PPP4R3B: variants seen among roughly 807,000 people sequenced by gnomAD.
PPP4R3B encodes serine/threonine-protein phosphatase 4 regulatory subunit 3B.
Under a neutral mutation model 95.4 loss-of-function variants are expected in PPP4R3B, and 52 were observed. The observed-to-expected ratio is 0.54, with a 90% confidence interval of 0.44 to 0.69. The LOEUF is 0.69. PPP4R3B is among the 30% of genes least tolerant of loss of function. The pLI, the probability that PPP4R3B is intolerant of heterozygous loss-of-function variation, is 0.00. For missense variants in PPP4R3B, 1,003 were observed against 1,005.9 expected, an observed-to-expected ratio of 1.00 and a Z score of 0.04; for synonymous variants, 407 against 343.9, an observed-to-expected ratio of 1.18 and a Z score of -2.03.
chr2:55,578,418 T>C (rs1688986986), intron 9 of PPP4R3B, 76 bp from the exon 10 acceptor site: 22 of 1,174,992 alleles, frequency 1.9e-5, no homozygotes, highest in East Asian at 3.2e-5. Context: ...TTATTATCTA[T>C]ATATTTCTGT....
Position 55,573,611 on chromosome 2 carries a change from A to G in PPP4R3B, c.1765+8T>C. On this transcript the variant is annotated splice_region_variant and intron_variant, in intron 12 of 16. Coordinates refer to ENST00000616407, the MANE Select transcript of PPP4R3B (RefSeq NM_001122964.3). ...AAAATGTTGCTCCTTAAAACATTTT[A>G]TACTTACACAAGGCCAGAAAAGTGT... 3 of 1,526,964 alleles carry G rather than the reference A, an allele frequency of 2.0e-6. No homozygotes were observed. The highest frequency in any genetic ancestry group is 1.4e-5 in the African/African-American group (1 of 71,396). 94.6% of individuals were successfully genotyped at this position (1,526,964 alleles called of 1,614,324 possible).
chr2:55,571,172 T>C (rs1687948412), intron 12 of PPP4R3B, among the ~76,000 whole-genome samples: 1 of 151,986 alleles, frequency 6.6e-6, no homozygotes, highest in Admixed American at 6.6e-5. Flanking sequence ...TAGCCAGGTG[T>C]GGTGGCAGGC....
chr2:55,597,623 A>AAAACAAACAAAC lies in PPP4R3B; in HGVS notation c.921+781_921+792dup, dbSNP rs113216757. ...GGCGACCGAGCAAGACTCCGTCTCA[A>AAAACAAACAAAC]AAACAAACAAACAAACAAACAAACA... On this transcript the variant is annotated intron_variant, in intron 4 of 16. Coordinates refer to ENST00000616407, the MANE Select transcript of PPP4R3B (RefSeq NM_001122964.3). 6.3e-3 allele frequency among the ~76,000 whole-genome samples: 942 copies of AAAACAAACAAAC among 148,992 alleles called. 6 individuals carry two copies. The highest frequency in any genetic ancestry group is 8.7e-3 in the Admixed American group (129 of 14,862).
rs183396823 is a variant in PPP4R3B, at chr2:55,570,026, C to T, written c.1766-1663G>A. 1.3e-4 allele frequency among the ~76,000 whole-genome samples: 20 copies of T among 152,212 alleles called. No homozygotes were observed. The South Asian group carries it at 3.5e-3, about 27-fold the overall frequency. On this transcript the variant is annotated intron_variant, in intron 12 of 16. Transcript: ENST00000616407. ...AAAAAAACATTTGTGCTGAGGCAGG[C>T]AGATCACGAGATCAGGAGATCGAGA...
rs1684909333 is a variant in PPP4R3B, at chr2:55,548,221, G to A, written c.*1690C>T. On this transcript the variant is annotated 3_prime_UTR_variant, in exon 17 of 17. Coordinates refer to ENST00000616407, the MANE Select transcript of PPP4R3B (RefSeq NM_001122964.3). Reference sequence around the variant, plus strand: ...GATAAAGTGCCATTGACCCGCATTTGTTTAGAATTATTTCATTAAAATTGG... The same window carrying A: ...GATAAAGTGCCATTGACCCGCATTTATTTAGAATTATTTCATTAAAATTGG... 6.6e-6 allele frequency: 1 copy of A among 152,444 alleles called. No individual in the cohort carries two copies. The highest frequency in any genetic ancestry group is 6.5e-5 in the Admixed American group (1 of 15,286). The allele number at this position is 152,444 out of a possible 1,614,324, so 9.4% of individuals were successfully genotyped here. A position where few individuals can be genotyped will look rare whatever the true frequency, so the allele number is the denominator to read the frequency against.
At chr2:55,577,287 T>A in intron 11 of PPP4R3B, 28 bp downstream of exon 11, 1 of 1,540,346 alleles carries the variant, frequency 6.5e-7, no homozygotes, top group Non-Finnish European at 8.7e-7. Flanking sequence ...AATTTGCATG[T>A]ATTCATAAAG....
At chr2:55,563,130 G>T (rs1686838986) in intron 15 of PPP4R3B, among the ~76,000 whole-genome samples, 1 of 152,192 alleles carries the variant, frequency 6.6e-6, no homozygotes, top group Admixed American at 6.5e-5. Context: ...ATGAGTAAAG[G>T]CAGAAGAATT....
intron 4 of PPP4R3B, among the ~76,000 whole-genome samples, chr2:55,589,478 T>G (rs1438669905): frequency 6.6e-6 from 1 of 152,180 alleles, no homozygotes; most frequent in Non-Finnish European, 1.5e-5. Flanking sequence ...GGTGCACAGT[T>G]TTACACGTTC....
intron 4 of PPP4R3B, among the ~76,000 whole-genome samples, chr2:55,590,866 A>G (rs571232164): frequency 6.6e-6 from 1 of 152,334 alleles, no homozygotes; most frequent in South Asian, 2.1e-4. Context: ...TGTATTTTTA[A>G]AAAATGAATA....
At chr2:55,606,249 A>G (rs1017379564) in intron 2 of PPP4R3B, among the ~76,000 whole-genome samples, 3 of 152,204 alleles carry the variant, frequency 2.0e-5, no homozygotes, top group Non-Finnish European at 2.9e-5. Flanking sequence ...TAAAATAGAA[A>G]AGTCTTAAAG....
intron 9 of PPP4R3B, among the ~76,000 whole-genome samples, chr2:55,579,383 G>A (rs1689131339): frequency 7.6e-6 from 1 of 132,090 alleles, no homozygotes; most frequent in Non-Finnish European, 1.6e-5. Flanking sequence ...ATTCCTTAGT[G>A]TGTAATACTG....
At chr2:55,565,478 G>A (rs951466635) in intron 13 of PPP4R3B, among the ~76,000 whole-genome samples, 2 of 151,960 alleles carry the variant, frequency 1.3e-5, no homozygotes, top group East Asian at 1.9e-4. Flanking sequence ...CAGAGCACAC[G>A]GCTGGTTAGA....
chr2:55,593,355 T>C (rs1292871310), intron 4 of PPP4R3B, among the ~76,000 whole-genome samples: 1 of 152,134 alleles, frequency 6.6e-6, no homozygotes, highest in East Asian at 1.9e-4. Context: ...TCTCATATAA[T>C]TTCTCAGTTA....
chr2:55,597,946 G>A (rs113248124), intron 4 of PPP4R3B, among the ~76,000 whole-genome samples: 2,523 of 152,254 alleles, frequency 0.017, 30 homozygotes, highest in Middle Eastern at 0.027. Context: ...GGCTGGGCGC[G>A]GTGGCTCACG....
At position 55,617,359 on chromosome 2, in the gene PPP4R3B, C is replaced by A. The variant is rs1695110597; in HGVS notation, c.-74G>T. On this transcript the variant is annotated 5_prime_UTR_variant, in exon 1 of 17. Coordinates refer to ENST00000616407, the MANE Select transcript of PPP4R3B (RefSeq NM_001122964.3). ...GTCCGCGCTCCTCACTCTTAGGAGACGGTAAAGGCAGTAGTGGCGGTGGCG... is the reference window on the plus strand; with the variant it reads ...GTCCGCGCTCCTCACTCTTAGGAGAAGGTAAAGGCAGTAGTGGCGGTGGCG... 7.0e-7 allele frequency: 1 copy of A among 1,423,116 alleles called. No individual in the cohort carries two copies. Among genetic ancestry groups the A allele is most frequent in the Non-Finnish European group, 9.3e-7 (1 of 1,079,638 alleles). 88.2% of individuals were successfully genotyped at this position (1,423,116 alleles called of 1,614,324 possible).
chr2:55,603,882 T>C lies in PPP4R3B; in HGVS notation c.297+96A>G, dbSNP rs1166540496. On this transcript the variant is annotated intron_variant, in intron 3 of 16. Coordinates refer to ENST00000616407, the MANE Select transcript of PPP4R3B (RefSeq NM_001122964.3). ...ATTATCAAGTCTCACATTAAGACAC[T>C]ATCTCGCCACATCCTAATATGTTTG... 5.4e-6 allele frequency: 4 copies of C among 744,752 alleles called. No individual in the cohort carries two copies. In the African/African-American group the frequency reaches 5.4e-5, roughly 10 times the overall value. The allele number at this position is 744,752 out of a possible 1,614,324, so 46.1% of individuals were successfully genotyped here.
At chr2:55,578,225 A>T in intron 10 of PPP4R3B, 22 bp downstream of exon 10, 1 of 1,392,404 alleles carries the variant, frequency 7.2e-7, no homozygotes, top group Middle Eastern at 1.8e-4. Flanking sequence ...TATAGGAGTG[A>T]TACACTCCAA....
At chr2:55,563,353 G>A (rs767507099) in intron 15 of PPP4R3B, among the ~76,000 whole-genome samples, 2 of 152,134 alleles carry the variant, frequency 1.3e-5, no homozygotes, top group East Asian at 3.8e-4. Flanking sequence ...TCCAAGAAAG[G>A]CTTTTATCTT....
At chr2:55,559,215 G>A (rs1054017002) in intron 15 of PPP4R3B, among the ~76,000 whole-genome samples, 6 of 151,868 alleles carry the variant, frequency 4.0e-5, no homozygotes, top group Non-Finnish European at 5.9e-5. Context: ...GTGTGGTGGC[G>A]CATGTCTATA....
Sources: allele counts gnomAD v4.1 joint callset (sites outside exome capture counted in the v4.1 genomes callset), GRCh38; gene constraint gnomAD v4.1.1; transcripts MANE v1.5; gene names NCBI Gene and HGNC (gene_info 2026-07-23, HGNC 2026-07-21).